Variants in PNPT1 observed in about 807,000 individuals in gnomAD.
The protein encoded by PNPT1 is polyribonucleotide nucleotidyltransferase 1, also known as polyribonucleotide nucleotidyltransferase 1, mitochondrial.
PNPT1 carries 53 observed loss-of-function variants against 119.5 expected under a neutral mutation model. The ratio of observed to expected loss-of-function variants is 0.44; its 90% confidence interval spans 0.36 to 0.56. The LOEUF is 0.56. Ranked by LOEUF, PNPT1 falls within the 20% of genes least tolerant of loss-of-function variation. The probability of loss-of-function intolerance (pLI) is 0.00; values close to 1 mark genes in which losing one functional copy is unlikely to be tolerated. For missense variants in PNPT1, 948 were observed against 938.5 expected (o/e 1.01, Z -0.13); for synonymous variants, 357 against 322.1 (o/e 1.11, Z -1.16).
chr2:55,650,476 G>A (rs1572802536), intron 18 of PNPT1, among the ~76,000 whole-genome samples: 2 of 152,152 alleles, frequency 1.3e-5, no homozygotes, highest in Non-Finnish European at 2.9e-5. Context: ...GTGCAGTGGC[G>A]TGATCTCAGC....
intron 15 of PNPT1, among the ~76,000 whole-genome samples, chr2:55,659,420 G>C (rs1159573865): frequency 6.6e-6 from 1 of 151,944 alleles, no homozygotes; most frequent in African/African-American, 2.4e-5. Context: ...AATCAACTGA[G>C]TATAAATATG....
chr2:55,686,522 T>C (rs762195323), intron 2 of PNPT1, 78 bp from the exon 3 acceptor site: 2 of 1,033,116 alleles, frequency 1.9e-6, no homozygotes, highest in Non-Finnish European at 2.9e-6. Context: ...AATAAATCCT[T>C]ACTCCAATTA....
chr2:55,642,530 C>A (rs956331683), intron 25 of PNPT1, among the ~76,000 whole-genome samples: 1 of 140,796 alleles, frequency 7.1e-6, no homozygotes, highest in Non-Finnish European at 1.5e-5. Flanking sequence ...GGCGTGAACC[C>A]GGGAGGCAGA....
intron 18 of PNPT1, among the ~76,000 whole-genome samples, 157 bp downstream of exon 18, chr2:55,654,743 T>C (rs1696330379): frequency 6.6e-6 from 1 of 152,040 alleles, no homozygotes; most frequent in South Asian, 2.1e-4. Flanking sequence ...TAGCATTTTT[T>C]TTTAATCTTT....
chr2:55,645,689 T>C (rs1049501533), intron 21 of PNPT1, among the ~76,000 whole-genome samples: 1 of 152,140 alleles, frequency 6.6e-6, no homozygotes. Context: ...AAAAACTTAG[T>C]TGTGCTTCTT....
Position 55,670,189 on chromosome 2 carries a change from A to AT in PNPT1, c.976+1129dup, listed in dbSNP as rs564951902. ...GGTATTATTACTATTATTTTTATTT[A>AT]TTTATTTATTTTTTTGAGACAGAGT... On this transcript the variant is annotated intron_variant, in intron 11 of 27. Transcript: ENST00000447944. Among the ~76,000 whole-genome samples the AT allele has an allele frequency of 7.9e-4, 120 of 151,502 alleles. 3 individuals are homozygous for AT. In the South Asian group the frequency reaches 0.024, roughly 30 times the overall value.
rs533357000 is a variant in PNPT1, at chr2:55,661,398, A to G, written c.1247+558T>C. On this transcript the variant is annotated intron_variant, in intron 14 of 27. Coordinates refer to ENST00000447944, the MANE Select transcript of PNPT1 (RefSeq NM_033109.5). ...GCGTGAGCCACCACGCCCGGCCTGC[A>G]ATAAAGATTCTTATCATCAGAATTG... Among the ~76,000 whole-genome samples, 15 of 152,120 alleles carry G rather than the reference A, an allele frequency of 9.9e-5. No homozygotes were observed. In the South Asian group the frequency reaches 3.1e-3, roughly 32 times the overall value.
intron 23 of PNPT1, among the ~76,000 whole-genome samples, chr2:55,643,632 T>C (rs1695905030): frequency 6.6e-6 from 1 of 152,016 alleles, no homozygotes; most frequent in Non-Finnish European, 1.5e-5. Context: ...GCCCACCTAC[T>C]TGGGACTCAC....
chr2:55,672,026 T>C lies in PNPT1; in HGVS notation c.887A>G (p.Tyr296Cys), dbSNP rs137893343. 4.2e-5 allele frequency: 68 copies of C among 1,603,022 alleles called. No individual in the cohort carries two copies. In the African/African-American group the frequency reaches 7.7e-4, roughly 18 times the overall value. ...ATGCTCGTAATCTGTAAAAACTGCATAGAGTCTCTCCATAGCAAGTCTATT... is the reference window on the plus strand; with the variant it reads ...ATGCTCGTAATCTGTAAAAACTGCACAGAGTCTCTCCATAGCAAGTCTATT... Reference protein sequence around the residue: ...YTHKLAMERLYAVFTDYEHDK... With the variant: ...YTHKLAMERLCAVFTDYEHDK... The change falls in exon 10 of 28, where the codon TAT becomes TGT. Residue 296 changes from tyrosine to cysteine, a missense_variant. Transcript: ENST00000447944.
chr2:55,670,740 A>G (rs1572821928), intron 11 of PNPT1, among the ~76,000 whole-genome samples: 2 of 152,348 alleles, frequency 1.3e-5, no homozygotes, highest in South Asian at 2.1e-4. Flanking sequence ...TTTTCAAATG[A>G]TAAGATACCA....
chr2:55,667,729 TTA>T, intron 12 of PNPT1, 131 bp downstream of exon 12: 1 of 1,228,036 alleles, frequency 8.1e-7, no homozygotes, highest in South Asian at 1.6e-5. Context: ...AGGTGTCCAT[TTA>T]TATAGCAAAT....
intron 7 of PNPT1, 146 bp downstream of exon 7, chr2:55,680,566 C>T: frequency 1.4e-6 from 1 of 722,980 alleles, no homozygotes; most frequent in African/African-American, 1.8e-5. Context: ...GTCTGAAAGA[C>T]CTGAAAGGAG....
intron 18 of PNPT1, among the ~76,000 whole-genome samples, chr2:55,652,938 C>A (rs1416769424): frequency 6.6e-6 from 1 of 152,232 alleles, no homozygotes. Context: ...GCCTCCGCCT[C>A]CTGGGTTAAA....
At position 55,658,609 on chromosome 2, in the gene PNPT1, C is replaced by A. The variant is rs142579790; in HGVS notation, c.1284+1548G>T. 9.9e-5 allele frequency among the ~76,000 whole-genome samples: 15 copies of A among 152,264 alleles called. No individual in the cohort carries two copies. In the East Asian group the frequency reaches 1.7e-3, roughly 18 times the overall value. The stretch of plus-strand genomic sequence containing the variant: ...CCTTCTCCAGCTCCCTCCCCAACCC[C>A]CTTACCCAATAATCAGCTAGACCTC... On this transcript the variant is annotated intron_variant, in intron 15 of 27. Coordinates refer to ENST00000447944, the MANE Select transcript of PNPT1 (RefSeq NM_033109.5).
intron 15 of PNPT1, among the ~76,000 whole-genome samples, 159 bp from the exon 16 acceptor site, chr2:55,656,530 A>G (rs1696393832): frequency 6.6e-6 from 1 of 152,236 alleles, no homozygotes; most frequent in Non-Finnish European, 1.5e-5. Flanking sequence ...TATGATATAA[A>G]TTTAACATAC....
intron 1 of PNPT1, among the ~76,000 whole-genome samples, chr2:55,689,210 C>G (rs1008493572): frequency 6.6e-6 from 1 of 152,130 alleles, no homozygotes; most frequent in African/African-American, 2.4e-5. Flanking sequence ...GTGTTAATAT[C>G]TAGAATATTT....
At chr2:55,652,342 A>G (rs1251244436) in intron 18 of PNPT1, among the ~76,000 whole-genome samples, 1 of 152,166 alleles carries the variant, frequency 6.6e-6, no homozygotes. Flanking sequence ...ACAGGACTTG[A>G]CATTCATTCT....
At chr2:55,651,283 G>C (rs1696189183) in intron 18 of PNPT1, among the ~76,000 whole-genome samples, 1 of 152,240 alleles carries the variant, frequency 6.6e-6, no homozygotes, top group Admixed American at 6.5e-5. Context: ...GTGCCCAACA[G>C]CTCATTGAGA....
chr2:55,668,309 T>C (rs1033300362), intron 11 of PNPT1, among the ~76,000 whole-genome samples: 13 of 152,238 alleles, frequency 8.5e-5, no homozygotes, highest in African/African-American at 3.1e-4. Flanking sequence ...CAATCTTGGC[T>C]CACTGCAACC....
Sources: gnomAD v4.1 joint callset for allele counts (sites outside exome capture counted in the v4.1 genomes callset) on GRCh38, gnomAD v4.1.1 for gene constraint, MANE v1.5 for transcripts, NCBI Gene and HGNC (gene_info 2026-07-23, HGNC 2026-07-21) for gene names.